The following SYT16 variants were observed in gnomAD, a reference collection of about 807,000 sequenced individuals.
The protein encoded by SYT16 is synaptotagmin 16.
Under a neutral mutation model 61.4 loss-of-function variants are expected in SYT16, and 42 were observed. The ratio of observed to expected loss-of-function variants is 0.68; its 90% CI spans 0.53 to 0.89. The LOEUF (loss-of-function observed/expected upper bound fraction) is 0.89, where lower values mean the gene tolerates loss of function less well. Ranked by LOEUF, SYT16 falls within the 40% of genes least tolerant of loss-of-function variation. SYT16 has a pLI of 0.00. For missense variants in SYT16, 804 were observed against 807.3 expected (o/e 1.00, Z 0.05); for synonymous variants, 314 against 302.3 (o/e 1.04, Z -0.40).
At chr14:62,027,276 T>C (rs2054136988) in intron 3 of SYT16, among the ~76,000 whole-genome samples, 1 of 152,196 alleles carries the variant, frequency 6.6e-6, no homozygotes, top group African/African-American at 2.4e-5. Context: ...ATGTCTCTGA[T>C]AGCCATGCTT....
intron 3 of SYT16, among the ~76,000 whole-genome samples, chr14:62,029,874 T>C (rs1347786707): frequency 4.6e-5 from 7 of 152,194 alleles, no homozygotes; most frequent in Admixed American, 4.6e-4. Flanking sequence ...ATTGATATGT[T>C]TGTGTGTGTT....
At position 61,840,114 on chromosome 14, in the gene SYT16, A is replaced by C. The variant is rs1223422582; in HGVS notation, c.-325+27304A>C. ...ATTACATGTAGGGAATAAGGGAGAA[A>C]ATAAAAGATTATAGAATTTTTCAAG... is the stretch of plus-strand genomic sequence containing the variant. On this transcript the variant is annotated intron_variant, in intron 1 of 7. Coordinates refer to ENST00000683842, the MANE Select transcript of SYT16 (RefSeq NM_001367656.1). Among the ~76,000 whole-genome samples, 3 of 152,140 alleles carry C rather than the reference A, an allele frequency of 2.0e-5. No individual in the cohort carries two copies. In the East Asian group the frequency reaches 5.8e-4, roughly 29 times the overall value.
At chr14:61,928,255 A>C (rs217695) in intron 1 of SYT16, among the ~76,000 whole-genome samples, 119 of 152,260 alleles carry the variant, frequency 7.8e-4, no homozygotes, top group African/African-American at 2.7e-3. Flanking sequence ...CTGGAGCTGC[A>C]GTGGAATTGA....
At chr14:62,003,826 G>T (rs918297431) in intron 3 of SYT16, among the ~76,000 whole-genome samples, 1 of 152,110 alleles carries the variant, frequency 6.6e-6, no homozygotes, top group Admixed American at 6.6e-5. Context: ...AGAAGTTATA[G>T]TTATGTACGT....
At chr14:62,063,443 TCAA>T (rs2140924729) in intron 3 of SYT16, among the ~76,000 whole-genome samples, 1 of 152,314 alleles carries the variant, frequency 6.6e-6, no homozygotes, top group African/African-American at 2.4e-5. Context: ...TTTAGTCTTC[TCAA>T]CAATTTTAAG....
intron 1 of SYT16, among the ~76,000 whole-genome samples, chr14:61,938,941 C>T (rs1008677242): frequency 6.6e-6 from 1 of 152,170 alleles, no homozygotes; most frequent in Non-Finnish European, 1.5e-5. Flanking sequence ...CCGAGACCAG[C>T]CTGGCCAGCA....
rs201971671 is a variant in SYT16, at chr14:62,044,201, G to GAA, written c.524-25390_524-25389dup. ...GGTGACAGAGCAAGACCCTGTCTTT[G>GAA]AAAAAAAAAAAAATAGGAAACGAAA... is the stretch of plus-strand genomic sequence containing the variant. On this transcript the variant is annotated intron_variant, in intron 3 of 7. Transcript: ENST00000683842. Among the ~76,000 whole-genome samples the GAA allele has an allele frequency of 9.2e-4, 127 of 138,392 alleles. 2 individuals are homozygous for GAA. Among genetic ancestry groups the GAA allele is most frequent in the Middle Eastern group, 3.6e-3 (1 of 276 alleles). The allele number at this position is 138,392 out of a possible 152,430, so 90.8% of individuals were successfully genotyped here.
At chr14:62,076,570 C>T (rs1273247243) in intron 5 of SYT16, among the ~76,000 whole-genome samples, 1 of 150,360 alleles carries the variant, frequency 6.7e-6, no homozygotes, top group African/African-American at 2.5e-5. Context: ...GATGTCTCTG[C>T]TGAGGACCAG....
rs764486524 is a variant in SYT16 at position 62,080,863 on chromosome 14, A to G, written c.1023A>G (p.Pro341=). The change falls in exon 6 of 8, where the codon CCA becomes CCG. Residue 341 remains proline (P), a synonymous_variant. Transcript: ENST00000683842. ...AGGACAGGACCAATTTGCAGGTGCC[A>G]TCCGGGGTCTCAGAGCCCATCTCAA... ...EEQDRTNLQV[P]SGVSEPISKC... is the part of the protein sequence containing the mutation. 5 of 1,602,680 alleles carry G rather than the reference A, an allele frequency of 3.1e-6. No individual in the cohort carries two copies. Among genetic ancestry groups the G allele is most frequent in the Non-Finnish European group, 4.3e-6 (5 of 1,174,418 alleles).
rs201508616 is a variant in SYT16, at chr14:61,996,036, C to A, written c.17C>A (p.Ala6Glu). 2 of 1,595,218 alleles carry A rather than the reference C, an allele frequency of 1.3e-6. No individual in the cohort carries two copies. Among genetic ancestry groups the A allele is most frequent in the South Asian group, 1.1e-5 (1 of 87,440 alleles). MVLAM[A>E]SQDVQNFFQP... ...TAGCTGGCCATGGTGTTGGCCATGGCGTCTCAGGATGTTCAGAACTTCTTC... is the reference window on the plus strand; with the variant it reads ...TAGCTGGCCATGGTGTTGGCCATGGAGTCTCAGGATGTTCAGAACTTCTTC... The change falls in exon 3 of 8, where the codon GCG becomes GAG. Residue 6 changes from alanine to glutamate, a missense_variant. Physicochemically the swap from Ala to Glu is moderately radical, Grantham distance 107. Coordinates refer to ENST00000683842, the MANE Select transcript of SYT16 (RefSeq NM_001367656.1).
At chr14:62,055,280 G>A (rs1008289350) in intron 3 of SYT16, among the ~76,000 whole-genome samples, 13 of 152,194 alleles carry the variant, frequency 8.5e-5, no homozygotes, top group African/African-American at 3.1e-4. Flanking sequence ...CCTTATAGGA[G>A]GCATACAAAT....
chr14:62,076,506 G>A (rs919229037), intron 5 of SYT16, among the ~76,000 whole-genome samples: 51 of 151,842 alleles, frequency 3.4e-4, no homozygotes, highest in African/African-American at 1.2e-3. Context: ...ACATGTTGGC[G>A]TGTGTAGGTA....
At chr14:61,985,579 G>A (rs1367700488) in intron 2 of SYT16, among the ~76,000 whole-genome samples, 3 of 152,070 alleles carry the variant, frequency 2.0e-5, no homozygotes, top group East Asian at 1.9e-4. Context: ...AGCAGTCTGC[G>A]CTCTTCATAG....
chr14:62,050,492 C>G (rs1376724314), intron 3 of SYT16, among the ~76,000 whole-genome samples: 2 of 152,180 alleles, frequency 1.3e-5, no homozygotes, highest in Non-Finnish European at 2.9e-5. Context: ...ATTCTCCGTC[C>G]AGCTTTGTTC....
chr14:61,876,104 A>G (rs548919544), intron 1 of SYT16, among the ~76,000 whole-genome samples: 1 of 152,248 alleles, frequency 6.6e-6, no homozygotes, highest in South Asian at 2.1e-4. Context: ...GTGCGTGTTT[A>G]CTGTGTTTAC....
chr14:62,025,017 T>C (rs2054047412), intron 3 of SYT16, among the ~76,000 whole-genome samples: 1 of 152,166 alleles, frequency 6.6e-6, no homozygotes. Context: ...TGTAACAGTT[T>C]ATGTATCCAT....
At chr14:62,043,518 T>C (rs919430781) in intron 3 of SYT16, among the ~76,000 whole-genome samples, 17 of 151,554 alleles carry the variant, frequency 1.1e-4, no homozygotes, top group South Asian at 2.1e-4. Flanking sequence ...CGCCATTCTC[T>C]TGCCTCAGCC....
chr14:62,056,572 G>A (rs1327855045), intron 3 of SYT16, among the ~76,000 whole-genome samples: 2 of 152,180 alleles, frequency 1.3e-5, no homozygotes, highest in African/African-American at 4.8e-5. Flanking sequence ...TAAAGGCCCC[G>A]AGTAAAGTAA....
At chr14:61,925,059 C>A (rs541080745) in intron 1 of SYT16, among the ~76,000 whole-genome samples, 61 of 152,210 alleles carry the variant, frequency 4.0e-4, no homozygotes, top group Non-Finnish European at 6.6e-4. Context: ...GTTAGAGGTG[C>A]TGGGAAGCGC....
Sources: gnomAD v4.1 joint callset for allele counts (sites outside exome capture counted in the v4.1 genomes callset) on GRCh38, gnomAD v4.1.1 for gene constraint, MANE v1.5 for transcripts, NCBI Gene and HGNC (gene_info 2026-07-23, HGNC 2026-07-21) for gene names.